CLIP4: variants seen among roughly 807,000 people sequenced by gnomAD.
The protein encoded by CLIP4 is CAP-Gly domain-containing linker protein 4.
Under a neutral mutation model 73.1 loss-of-function variants are expected in CLIP4, and 47 were observed. The observed-to-expected ratio is 0.64, with a 90% CI of 0.51 to 0.82. CLIP4 has a LOEUF of 0.82. Ranked by LOEUF, CLIP4 falls within the 40% of genes least tolerant of loss-of-function variation. The pLI is 0.00. For synonymous variants in CLIP4, 306 were observed against 295.4 expected (o/e 1.04, Z -0.37); for missense variants, 874 against 852.9 (o/e 1.02, Z -0.31).
At chr2:29,159,286 C>G (rs1002134405) in intron 11 of CLIP4, among the ~76,000 whole-genome samples, 4 of 152,104 alleles carry the variant, frequency 2.6e-5, no homozygotes, top group Non-Finnish European at 5.9e-5. Flanking sequence ...CCCATGCCCT[C>G]CTCCAGAGTT....
At chr2:29,160,615 A>G in intron 12 of CLIP4, 148 bp downstream of exon 12, 5 of 898,584 alleles carry the variant, frequency 5.6e-6, no homozygotes, top group South Asian at 3.6e-5. Context: ...TGAAATGATG[A>G]TGAAAACTCA....
intron 4 of CLIP4, 89 bp from the exon 5 acceptor site, chr2:29,133,566 C>T (rs1665131238): frequency 4.7e-6 from 6 of 1,273,522 alleles, no homozygotes; most frequent in Non-Finnish European, 6.5e-6. Flanking sequence ...GCACTGTTTG[C>T]TTTGGCTTTT....
At chr2:29,107,370 T>TGTTTTTTGTTTTTTTTTTTTTTTTTG (rs796768019) in intron 1 of CLIP4, among the ~76,000 whole-genome samples, 3 of 114,934 alleles carry the variant, frequency 2.6e-5, no homozygotes, top group African/African-American at 1.2e-4. Flanking sequence ...TTTTTTTTTT[T>TGTTTTTTGTTTTTTTTTTTTTTTTTG]TTTTTTTTTT....
At chr2:29,098,823 C>T (rs1252640957) in intron 1 of CLIP4, among the ~76,000 whole-genome samples, 2 of 152,184 alleles carry the variant, frequency 1.3e-5, no homozygotes, top group African/African-American at 4.8e-5. Flanking sequence ...TTTGCATTCC[C>T]ACCAGCAATG....
intron 1 of CLIP4, among the ~76,000 whole-genome samples, chr2:29,117,552 G>A (rs146438342): frequency 0.013 from 2,039 of 152,184 alleles, 37 homozygotes; most frequent in African/African-American, 0.045. Context: ...GGGTGGTCTC[G>A]AACTCCTGAC....
chr2:29,141,102 A>G (rs1665736424), intron 6 of CLIP4, among the ~76,000 whole-genome samples: 1 of 152,076 alleles, frequency 6.6e-6, no homozygotes, highest in Non-Finnish European at 1.5e-5. Context: ...GTCATTCTGG[A>G]GCAAGTTTTC....
intron 14 of CLIP4, 73 bp downstream of exon 14, chr2:29,167,613 G>A (rs1667709637): frequency 4.4e-6 from 5 of 1,143,438 alleles, no homozygotes; most frequent in Non-Finnish European, 6.3e-6. Flanking sequence ...TTTATTATGA[G>A]GTATTGTATA....
At chr2:29,171,053 C>T (rs1667969648) in intron 14 of CLIP4, among the ~76,000 whole-genome samples, 4 of 152,086 alleles carry the variant, frequency 2.6e-5, no homozygotes. Flanking sequence ...TTTTGATCTG[C>T]TTCTTCAATG....
intron 14 of CLIP4, among the ~76,000 whole-genome samples, chr2:29,169,988 G>A (rs1489597954): frequency 6.6e-6 from 1 of 152,126 alleles, no homozygotes; most frequent in African/African-American, 2.4e-5. Context: ...TTTAGCTCCT[G>A]CACATGAGTG....
intron 13 of CLIP4, among the ~76,000 whole-genome samples, chr2:29,165,846 C>T (rs944911600): frequency 6.6e-6 from 1 of 152,110 alleles, no homozygotes; most frequent in South Asian, 2.1e-4. Context: ...CGTTGTCAAG[C>T]CACTTTCTCA....
chr2:29,168,881 T>C (rs192306578), intron 14 of CLIP4, among the ~76,000 whole-genome samples: 7 of 152,304 alleles, frequency 4.6e-5, no homozygotes, highest in Non-Finnish European at 1.0e-4. Flanking sequence ...TATTTTCTTA[T>C]ATTGTTTTCT....
chr2:29,143,295 A>G (rs1665903712), intron 6 of CLIP4, among the ~76,000 whole-genome samples: 1 of 67,250 alleles, frequency 1.5e-5, no homozygotes, highest in African/African-American at 3.4e-5. Context: ...TCTGCTTTGG[A>G]TCTCTGTGGA....
chr2:29,123,732 AGGTCATGCGG>A (rs1255098614), intron 2 of CLIP4, among the ~76,000 whole-genome samples: 1 of 152,212 alleles, frequency 6.6e-6, no homozygotes, highest in Non-Finnish European at 1.5e-5. Flanking sequence ...GACACCGGCC[AGGTCATGCGG>A]GGTCATGTAG....
At chr2:29,136,912 A>C (rs1420560454) in intron 6 of CLIP4, among the ~76,000 whole-genome samples, 3 of 152,050 alleles carry the variant, frequency 2.0e-5, no homozygotes, top group African/African-American at 4.8e-5. Flanking sequence ...AATTTAGGCC[A>C]GAAGCAGATT....
intron 8 of CLIP4, among the ~76,000 whole-genome samples, chr2:29,151,895 C>G (rs1369876954): frequency 1.3e-5 from 2 of 152,020 alleles, no homozygotes; most frequent in Non-Finnish European, 2.9e-5. Context: ...TGGATAAACT[C>G]CTTTTTGGTG....
intron 2 of CLIP4, among the ~76,000 whole-genome samples, chr2:29,129,254 A>C (rs143444270): frequency 2.0e-5 from 3 of 152,144 alleles, no homozygotes; most frequent in East Asian, 3.9e-4. Context: ...AATGCTGACA[A>C]CTCTGAAGGC....
chr2:29,138,778 T>A (rs1234422814), intron 6 of CLIP4, among the ~76,000 whole-genome samples: 1 of 152,100 alleles, frequency 6.6e-6, no homozygotes, highest in African/African-American at 2.4e-5. Flanking sequence ...TGGAATTGTG[T>A]TCTTGATTTT....
intron 11 of CLIP4, among the ~76,000 whole-genome samples, chr2:29,158,472 A>G (rs1417171375): frequency 6.6e-6 from 1 of 152,224 alleles, no homozygotes; most frequent in East Asian, 1.9e-4. Flanking sequence ...ACAACAGTGA[A>G]GATGAAGAGA....
At chr2:29,181,379 T>C (rs1668633693) in intron 15 of CLIP4, among the ~76,000 whole-genome samples, 193 bp from the exon 16 acceptor site, 2 of 152,180 alleles carry the variant, frequency 1.3e-5, no homozygotes, top group Admixed American at 6.5e-5. Flanking sequence ...ACTTCAAACC[T>C]GTGTAGTTCA....
Sources: gnomAD v4.1 joint callset for allele counts (sites outside exome capture counted in the v4.1 genomes callset) on GRCh38, gnomAD v4.1.1 for gene constraint, MANE v1.5 for transcripts, NCBI Gene and HGNC (gene_info 2026-07-23, HGNC 2026-07-21) for gene names.